Variants in BCCIP observed in about 807,000 individuals in gnomAD.
The protein encoded by BCCIP is BRCA2 and CDKN1A interacting protein, also known as BRCA2 and CDKN1A-interacting protein.
Under a neutral mutation model 32.8 loss-of-function variants are expected in BCCIP, and 23 were observed. The ratio of observed to expected loss-of-function variants is 0.70; its 90% CI spans 0.51 to 0.99. The LOEUF is 0.99. Ranked by LOEUF, BCCIP falls within the 50% of genes least tolerant of loss-of-function variation. BCCIP has a pLI of 0.00. For missense variants in BCCIP, 378 were observed against 379.8 expected, an observed-to-expected ratio of 1.00 and a Z score of 0.04; for synonymous variants, 144 against 137.6, an observed-to-expected ratio of 1.05 and a Z score of -0.33.
At chr10:125,832,283 TC>T (rs1190801289) in intron 5 of BCCIP, among the ~76,000 whole-genome samples, 7 of 152,012 alleles carry the variant, frequency 4.6e-5, no homozygotes, top group African/African-American at 1.7e-4. Context: ...AAAGTGATCT[TC>T]CTGCCTCGGC....
Position 125,831,479 on chromosome 10 carries a change from T to C in BCCIP, c.471T>C (p.Cys157=), listed in dbSNP as rs17153605. 6,370 of 1,614,154 alleles carry C rather than the reference T, an allele frequency of 3.9e-3. 20 individuals are homozygous for C. The highest frequency in any genetic ancestry group is 4.8e-3 in the Non-Finnish European group (5,682 of 1,180,012). ...ELVLRFCEKN[C]EKSMVEQLDK... ...TTCTACGCTTCTGTGAGAAGAACTGTGAAAAGAGCATGGTTGAACAGCTGG... is the reference window on the plus strand; with the variant it reads ...TTCTACGCTTCTGTGAGAAGAACTGCGAAAAGAGCATGGTTGAACAGCTGG... The change falls in exon 5 of 7, where the codon TGT becomes TGC. Residue 157 remains cysteine (C), a synonymous_variant. Coordinates refer to ENST00000278100, the MANE Select transcript of BCCIP (RefSeq NM_078468.3).
At chr10:125,846,169 G>T (rs1308019289), downstream of BCCIP, among the ~76,000 whole-genome samples, 1 of 152,108 alleles carries the variant, frequency 6.6e-6, no homozygotes, top group Admixed American at 6.5e-5. Flanking sequence ...ATTACCAACG[G>T]TCTCCACTCC....
At position 125,853,476 on chromosome 10, in the gene BCCIP, G is replaced by A. The variant is rs1031672221; in HGVS notation, c.*233G>A. 35 of 253,906 alleles carry A rather than the reference G, an allele frequency of 1.4e-4. No individual in the cohort carries two copies. In the South Asian group the frequency reaches 1.8e-3, roughly 13 times the overall value. The allele number at this position is 253,906 out of a possible 1,614,324, so 15.7% of individuals were successfully genotyped here. On this transcript the variant is annotated 3_prime_UTR_variant, in exon 8 of 8. Coordinates refer to the BCCIP transcript ENST00000368759. ...TAATGATTAGGATGAAAATTTTATC[G>A]TCAATTATAAGCCAAAATTTGCTAA...
At chr10:125,844,182 G>A (rs1328178229), downstream of BCCIP, among the ~76,000 whole-genome samples, 1 of 152,220 alleles carries the variant, frequency 6.6e-6, no homozygotes, top group Non-Finnish European at 1.5e-5. Context: ...GACATGAAAA[G>A]TAACAGCCGA....
chr10:125,842,765 G>A, exon 7 of BCCIP: 1 of 920,598 alleles, frequency 1.1e-6, no homozygotes, highest in Non-Finnish European at 1.3e-6. Context: ...AGACAAAGAT[G>A]TTATTTCCCA....
At chr10:125,832,130 AATTGT>A (rs374280217) in intron 5 of BCCIP, among the ~76,000 whole-genome samples, 81 of 152,310 alleles carry the variant, frequency 5.3e-4, no homozygotes, top group African/African-American at 1.9e-3. Context: ...GTGTACTAAG[AATTGT>A]ATTGTCTGTG....
rs1482052603 is a variant in BCCIP, at chr10:125,827,620, T to A, written c.303T>A (p.His101Gln). Residue 101 changes from histidine to glutamine, a missense_variant, in exon 3 of 7, where the codon CAT becomes CAA. Physicochemically the swap from His to Gln is conservative, Grantham distance 24. Coordinates refer to ENST00000278100, the MANE Select transcript of BCCIP (RefSeq NM_078468.3). ...ELTDLLIQQNHIGSVIKQTDV... is the reference protein window; with the variant it reads ...ELTDLLIQQNQIGSVIKQTDV... Reference sequence around the variant, plus strand: ...CAGATCTCTTAATTCAACAGAACCATATTGGGAGTGTGATTAAGGTAAGTA... The same window carrying A: ...CAGATCTCTTAATTCAACAGAACCAAATTGGGAGTGTGATTAAGGTAAGTA... The A allele has an allele frequency of 6.2e-7, 1 of 1,609,864 alleles. No homozygotes were observed. Among genetic ancestry groups the A allele is most frequent in the East Asian group, 2.2e-5 (1 of 44,838 alleles).
chr10:125,842,043 T>C (rs1257569820), exon 7 of BCCIP: 4 of 1,341,150 alleles, frequency 3.0e-6, no homozygotes, highest in African/African-American at 3.0e-5. Flanking sequence ...GGACAAAATA[T>C]GTGAAACAAC....
At position 125,823,722 on chromosome 10, in the gene BCCIP, G is replaced by A. The variant is rs141964850; in HGVS notation, c.165G>A (p.Glu55=). ...EKDEEDEVID[E]EVNIEFEAYS... is the part of the protein sequence containing the mutation. ...ATGAAGAGGACGAGGTCATTGACGA[G>A]GTGAGAAGGACACGCTCCCCTAGTT... Residue 55 remains glutamate, a splice_region_variant and synonymous_variant, in exon 1 of 7, where the codon GAG becomes GAA. Coordinates refer to ENST00000278100, the MANE Select transcript of BCCIP (RefSeq NM_078468.3). 1.1e-5 allele frequency: 17 copies of A among 1,613,926 alleles called. No individual in the cohort carries two copies. Among genetic ancestry groups the A allele is most frequent in the African/African-American group, 4.0e-5 (3 of 74,906 alleles).
At chr10:125,839,213 A>G (rs1854797993), downstream of BCCIP, 1 of 1,606,506 alleles carries the variant, frequency 6.2e-7, no homozygotes, top group Non-Finnish European at 8.5e-7. Flanking sequence ...ACACAAGGCT[A>G]TTTAGAAATG....
rs773538072 is a variant in BCCIP at position 125,827,664 on chromosome 10, T to TG, written c.321+27dup. The TG allele has an allele frequency of 6.7e-6, 10 of 1,501,424 alleles. No homozygotes were observed. In the South Asian group the frequency reaches 1.1e-4, roughly 17 times the overall value. 93.0% of individuals were successfully genotyped at this position (1,501,424 alleles called of 1,614,324 possible). A position where few individuals can be genotyped will look rare whatever the true frequency, so the allele number is the denominator to read the frequency against. On this transcript the variant is annotated intron_variant, in intron 3 of 6. Transcript: ENST00000278100. ...GTAAGTAGGATAATTGTGTTTATTC[T>TG]GATTAAATGAGTTCTTTATTCTGTT...
chr10:125,827,693 G>T, intron 3 of BCCIP, 55 bp downstream of exon 3: 1 of 1,341,812 alleles, frequency 7.5e-7, no homozygotes, highest in Non-Finnish European at 1.1e-6. Context: ...TTCTGTTCAT[G>T]CTGGGCCTCA....
At chr10:125,831,822 A>G (rs1705348666) in intron 5 of BCCIP, among the ~76,000 whole-genome samples, 1 of 152,224 alleles carries the variant, frequency 6.6e-6, no homozygotes, top group Admixed American at 6.5e-5. Flanking sequence ...TGAAATTTTA[A>G]CTTAAGATTT....
chr10:125,841,799 G>T, exon 7 of BCCIP: 1 of 1,613,538 alleles, frequency 6.2e-7, no homozygotes, highest in Non-Finnish European at 8.5e-7. Flanking sequence ...TTCACAGGAC[G>T]CTAAGATAGA....
intron 6 of BCCIP, among the ~76,000 whole-genome samples, chr10:125,835,488 A>G (rs58933434): frequency 0.023 from 3,422 of 151,626 alleles, 131 homozygotes; most frequent in African/African-American, 0.078. Context: ...CTGAGGCAGG[A>G]GAATGGTGTG....
chr10:125,834,129 C>T (rs1009964377), intron 6 of BCCIP, among the ~76,000 whole-genome samples, 183 bp downstream of exon 6: 1 of 152,186 alleles, frequency 6.6e-6, no homozygotes, highest in Non-Finnish European at 1.5e-5. Context: ...ACTCAGGAGG[C>T]TAGGCACCAG....
At chr10:125,832,472 G>A (rs907126016) in intron 5 of BCCIP, among the ~76,000 whole-genome samples, 3 of 152,140 alleles carry the variant, frequency 2.0e-5, no homozygotes, top group Admixed American at 2.0e-4. Flanking sequence ...GGGATTCGAT[G>A]CTTCTTATCT....
rs747323122 is a variant in BCCIP at position 125,827,609 on chromosome 10, C to G, written c.292C>G (p.Gln98Glu). The G allele has an allele frequency of 3.1e-6, 5 of 1,612,282 alleles. No individual in the cohort carries two copies. The highest frequency in any genetic ancestry group is 3.3e-5 in the Admixed American group (2 of 59,972). The stretch of plus-strand genomic sequence containing the variant: ...TGCAGAACTAACAGATCTCTTAATT[C>G]AACAGAACCATATTGGGAGTGTGAT... Reference protein sequence around the residue: ...NTAELTDLLIQQNHIGSVIKQ... With the variant: ...NTAELTDLLIEQNHIGSVIKQ... Residue 98 changes from glutamine (Q) to glutamate (E), a missense_variant, in exon 3 of 7, where the codon CAA becomes GAA. Gln to Glu is a conservative substitution (Grantham distance 29, BLOSUM62 2). Transcript: ENST00000278100.
At chr10:125,848,047 T>C (rs887925241) in intron 7 of BCCIP, among the ~76,000 whole-genome samples, 3 of 152,186 alleles carry the variant, frequency 2.0e-5, no homozygotes, top group Non-Finnish European at 4.4e-5. Flanking sequence ...TTTACATAAA[T>C]GGACAGAGAA....
Sources: gnomAD v4.1 joint callset for allele counts (sites outside exome capture counted in the v4.1 genomes callset) on GRCh38, gnomAD v4.1.1 for gene constraint, MANE v1.5 for transcripts, NCBI Gene and HGNC (gene_info 2026-07-23, HGNC 2026-07-21) for gene names.